Variants in AGMO observed in about 807,000 individuals in gnomAD.
The protein encoded by AGMO is glyceryl-ether monooxygenase.
AGMO carries 75 observed loss-of-function variants against 60.2 expected under a neutral mutation model. That is an observed-to-expected ratio of 1.25 (90% CI 1.03 to 1.51). The LOEUF (loss-of-function observed/expected upper bound fraction) is 1.51. Ranked by LOEUF, AGMO falls within the 40% of genes most tolerant of loss-of-function variation. The pLI, the probability that AGMO is intolerant of heterozygous loss-of-function variation, is 0.00. For missense variants in AGMO, 763 were observed against 525.5 expected (o/e 1.45, Z -4.42); for synonymous variants, 261 against 177.1 (o/e 1.47, Z -3.76).
At chr7:15,468,927 CA>C (rs113107743) in intron 3 of AGMO, among the ~76,000 whole-genome samples, 3,021 of 152,038 alleles carry the variant, frequency 0.02, 86 homozygotes, top group African/African-American at 0.065. Flanking sequence ...ACTTTTATAT[CA>C]ATAAAAATAT....
intron 3 of AGMO, among the ~76,000 whole-genome samples, chr7:15,449,302 T>G (rs1781792701): frequency 6.6e-6 from 1 of 151,056 alleles, no homozygotes. Flanking sequence ...CCTACAAGCC[T>G]GAAATTTAGC....
At chr7:15,328,655 T>C (rs928312712) in intron 12 of AGMO, among the ~76,000 whole-genome samples, 5 of 152,152 alleles carry the variant, frequency 3.3e-5, no homozygotes, top group Non-Finnish European at 7.4e-5. Flanking sequence ...AACTCACATT[T>C]TTATTTCAAA....
In AGMO at chr7:15,398,701, ATTTG is replaced by A. The variant is rs557647228; in HGVS notation, c.610-4526_610-4523del. On this transcript the variant is annotated intron_variant, in intron 5 of 12. Coordinates refer to ENST00000342526, the MANE Select transcript of AGMO (RefSeq NM_001004320.2). ...GTAGCAATTCTCATTTTTAGAAGTTATTTGTTTGTATTAATTTTTTAGACATAGA... is the reference window on the plus strand; with the variant it reads ...GTAGCAATTCTCATTTTTAGAAGTTATTTGTATTAATTTTTTAGACATAGA... Among the ~76,000 whole-genome samples, 455 of 152,276 alleles carry A rather than the reference ATTTG, an allele frequency of 3.0e-3. 12 individuals carry two copies. Among genetic ancestry groups the A allele is most frequent in the Admixed American group, 0.028 (430 of 15,282 alleles).
downstream of AGMO, among the ~76,000 whole-genome samples, chr7:15,198,594 T>C (rs1342435032): frequency 6.6e-6 from 1 of 152,180 alleles, no homozygotes; most frequent in Non-Finnish European, 1.5e-5. Context: ...TGGAGTTTTA[T>C]TATTACTCAA....
the AGMO span, among the ~76,000 whole-genome samples, chr7:15,171,339 C>T: frequency 1.3e-5 from 2 of 152,176 alleles, no homozygotes; most frequent in East Asian, 1.9e-4. Context: ...TCCACACATT[C>T]TATCAAGGGT....
At chr7:15,523,182 A>G (rs1312159830) in intron 3 of AGMO, among the ~76,000 whole-genome samples, 1 of 151,428 alleles carries the variant, frequency 6.6e-6, no homozygotes, top group Non-Finnish European at 1.5e-5. Flanking sequence ...TCATTAAAAA[A>G]CAGATGCTGG....
intron 3 of AGMO, among the ~76,000 whole-genome samples, chr7:15,481,692 A>G (rs573828933): frequency 6.6e-6 from 1 of 152,206 alleles, no homozygotes; most frequent in Admixed American, 6.5e-5. Context: ...AGAATATAGA[A>G]ATTAGACCAA....
At chr7:15,394,486 T>G (rs1405979666) in intron 5 of AGMO, among the ~76,000 whole-genome samples, 1 of 152,200 alleles carries the variant, frequency 6.6e-6, no homozygotes, top group Non-Finnish European at 1.5e-5. Flanking sequence ...TAGGTTTTCA[T>G]ATCTCAATTT....
At chr7:15,293,830 A>G (rs549369920) in intron 12 of AGMO, among the ~76,000 whole-genome samples, 3 of 152,292 alleles carry the variant, frequency 2.0e-5, no homozygotes, top group African/African-American at 7.2e-5. Flanking sequence ...CCAATTTTAA[A>G]TACTTCTGTG....
chr7:15,244,650 T>C (rs1196112460), intron 12 of AGMO, among the ~76,000 whole-genome samples: 1 of 151,888 alleles, frequency 6.6e-6, no homozygotes, highest in Non-Finnish European at 1.5e-5. Flanking sequence ...TGTTTGTTTG[T>C]TTGTTTTGTT....
the AGMO span, among the ~76,000 whole-genome samples, chr7:15,132,884 G>C: frequency 6.6e-6 from 1 of 152,142 alleles, no homozygotes; most frequent in Non-Finnish European, 1.5e-5. Flanking sequence ...CTGATTCAGG[G>C]ACATGTGAAG....
At chr7:15,167,703 C>G in the AGMO span, among the ~76,000 whole-genome samples, 1 of 152,196 alleles carries the variant, frequency 6.6e-6, no homozygotes, top group African/African-American at 2.4e-5. Flanking sequence ...CTAAGGTCAA[C>G]TCAAGCAAGA....
the AGMO span, among the ~76,000 whole-genome samples, chr7:15,151,387 T>C: frequency 6.6e-6 from 1 of 152,092 alleles, no homozygotes; most frequent in African/African-American, 2.4e-5. Flanking sequence ...TTGCTCTTGT[T>C]TTCTAAGTTC....
chr7:15,397,341 G>A lies in AGMO; in HGVS notation c.610-3162C>T, dbSNP rs181054489. On this transcript the variant is annotated intron_variant, in intron 5 of 12. Coordinates refer to ENST00000342526, the MANE Select transcript of AGMO (RefSeq NM_001004320.2). ...CCGCAGCCGCCCGGAACCCGAGCCG[G>A]CCCGCGAGCGCCTCGCGCAGCCCCG... 3.6e-3 allele frequency among the ~76,000 whole-genome samples: 547 copies of A among 151,808 alleles called. 2 individuals are homozygous for A. Among genetic ancestry groups the A allele is most frequent in the African/African-American group, 0.012 (518 of 41,530 alleles).
chr7:15,365,487 C>T, intron 12 of AGMO, 27 bp downstream of exon 12: 1 of 1,506,986 alleles, frequency 6.6e-7, no homozygotes, highest in African/African-American at 1.4e-5. Context: ...ATACGCCATC[C>T]TGTGGCTACC....
intron 3 of AGMO, among the ~76,000 whole-genome samples, chr7:15,457,826 T>C (rs1782038249): frequency 6.6e-6 from 1 of 152,176 alleles, no homozygotes. Flanking sequence ...CCAAGTTCTA[T>C]AGTTAATTCA....
At chr7:15,272,674 T>C (rs1783651712) in intron 12 of AGMO, among the ~76,000 whole-genome samples, 1 of 152,158 alleles carries the variant, frequency 6.6e-6, no homozygotes, top group Non-Finnish European at 1.5e-5. Flanking sequence ...CAAATGGTAT[T>C]TCTAGTTCTA....
chr7:15,379,885 C>T (rs112230128), intron 10 of AGMO, among the ~76,000 whole-genome samples: 11 of 152,128 alleles, frequency 7.2e-5, no homozygotes, highest in African/African-American at 2.4e-4. Context: ...TGATTCATTA[C>T]GTTAACAGAA....
intron 9 of AGMO, 21 bp from the exon 10 acceptor site, chr7:15,385,583 T>G: frequency 7.4e-7 from 1 of 1,343,278 alleles, no homozygotes; most frequent in Non-Finnish European, 1.1e-6. Context: ...AAGAACCATT[T>G]CCTTTATATT....
Sources: gnomAD v4.1 joint callset for allele counts (sites outside exome capture counted in the v4.1 genomes callset) on GRCh38, gnomAD v4.1.1 for gene constraint, MANE v1.5 for transcripts, NCBI Gene and HGNC (gene_info 2026-07-23, HGNC 2026-07-21) for gene names.